SYT16: variants seen among roughly 807,000 people sequenced by gnomAD.
SYT16 encodes the protein synaptotagmin 16.
SYT16 carries 42 observed loss-of-function variants against 61.4 expected under a neutral mutation model. That is an observed-to-expected ratio of 0.68 (90% confidence interval 0.53 to 0.89). SYT16 has a LOEUF of 0.89. Ranked by LOEUF, SYT16 falls within the 40% of genes least tolerant of loss-of-function variation. SYT16 has a pLI of 0.00. For missense variants in SYT16, 804 were observed against 807.3 expected (o/e 1.00, Z 0.05); for synonymous variants, 314 against 302.3 (o/e 1.04, Z -0.40).
At chr14:61,890,496 GAC>G (rs1160845574) in intron 1 of SYT16, among the ~76,000 whole-genome samples, 2 of 90,360 alleles carry the variant, frequency 2.2e-5, no homozygotes, top group African/African-American at 9.0e-5. Context: ...TTTCCTTCAT[GAC>G]AAAAAAAAAA....
chr14:61,902,818 C>T (rs897975034), intron 1 of SYT16, among the ~76,000 whole-genome samples: 4 of 152,162 alleles, frequency 2.6e-5, no homozygotes, highest in African/African-American at 9.7e-5. Context: ...GAATGAGAGC[C>T]AAGTGCAATT....
At position 62,100,644 on chromosome 14, in the gene SYT16, G is replaced by A. The variant is rs763193398; in HGVS notation, c.1875G>A (p.Trp625Ter). The A allele has an allele frequency of 6.2e-7, 1 of 1,613,864 alleles. No homozygotes were observed. The highest frequency in any genetic ancestry group is 8.5e-7 in the Non-Finnish European group (1 of 1,179,834). Residue 625 changes from tryptophan (W) to a stop codon, truncating the protein, a stop_gained, in exon 8 of 8, where the codon TGG becomes TGA. Coordinates refer to ENST00000683842, the MANE Select transcript of SYT16 (RefSeq NM_001367656.1). LOFTEE classifies it high-confidence loss of function. ...GTGGAGAGGAGGAACAAGATCACTG[G>A]GAGGAGATGAAGGAAACCAAAGGCC... ...NSSGEEEQDH[W>*]EEMKETKGQQ...
chr14:61,978,145 T>C (rs1483499236), intron 2 of SYT16, among the ~76,000 whole-genome samples: 1 of 152,198 alleles, frequency 6.6e-6, no homozygotes, highest in Non-Finnish European at 1.5e-5. Flanking sequence ...TGAAAGACCC[T>C]TTTTTCAAAT....
chr14:61,922,286 T>A (rs1416977725), intron 1 of SYT16, among the ~76,000 whole-genome samples: 2 of 152,172 alleles, frequency 1.3e-5, no homozygotes, highest in Non-Finnish European at 2.9e-5. Context: ...TCAACCTAAA[T>A]GCCCATCAAT....
At chr14:61,914,790 A>C (rs1030942444) in intron 1 of SYT16, among the ~76,000 whole-genome samples, 3 of 152,120 alleles carry the variant, frequency 2.0e-5, no homozygotes, top group Non-Finnish European at 2.9e-5. Flanking sequence ...CTTCTAAGTA[A>C]TTTCCCTTCT....
At chr14:62,020,842 G>A (rs1221957304) in intron 3 of SYT16, among the ~76,000 whole-genome samples, 1 of 152,170 alleles carries the variant, frequency 6.6e-6, no homozygotes, top group Non-Finnish European at 1.5e-5. Flanking sequence ...GTGACCATGG[G>A]CATGATCCAT....
Position 62,030,776 on chromosome 14 carries a change from A to C in SYT16, c.523+34234A>C, listed in dbSNP as rs2054282938. 3.3e-5 allele frequency among the ~76,000 whole-genome samples: 5 copies of C among 152,230 alleles called. No individual in the cohort carries two copies. In the South Asian group the frequency reaches 1.0e-3, roughly 31 times the overall value. On this transcript the variant is annotated intron_variant, in intron 3 of 7. Coordinates refer to ENST00000683842, the MANE Select transcript of SYT16 (RefSeq NM_001367656.1). ...TTCAAGCATTGATGAAACAAAATGG[A>C]TTTTCAGACAGTGGCCTTTTGTATT... is the stretch of plus-strand genomic sequence containing the variant.
intron 3 of SYT16, among the ~76,000 whole-genome samples, chr14:62,023,509 C>T (rs2053989040): frequency 6.6e-6 from 1 of 152,130 alleles, no homozygotes; most frequent in Non-Finnish European, 1.5e-5. Context: ...CTTACCTACT[C>T]CCAGGAATTT....
chr14:61,935,141 G>A (rs1480562780), intron 1 of SYT16, among the ~76,000 whole-genome samples: 2 of 152,012 alleles, frequency 1.3e-5, no homozygotes, highest in Non-Finnish European at 2.9e-5. Flanking sequence ...CTTGGGGGCG[G>A]CACTACTTTC....
At chr14:62,069,454 G>A in intron 3 of SYT16, 149 bp from the exon 4 acceptor site, 1 of 717,152 alleles carries the variant, frequency 1.4e-6, no homozygotes. Flanking sequence ...TGTTGCAAAA[G>A]TGCTTTAAAT....
At chr14:61,885,739 G>C (rs376821814) in intron 1 of SYT16, among the ~76,000 whole-genome samples, 1 of 152,134 alleles carries the variant, frequency 6.6e-6, no homozygotes, top group Non-Finnish European at 1.5e-5. Flanking sequence ...TTCTCAGTGC[G>C]TATAAAAGTT....
In SYT16 at chr14:62,018,309, T is replaced by C. The variant is rs1454922456; in HGVS notation, c.523+21767T>C. Among the ~76,000 whole-genome samples, 646 of 131,578 alleles carry C rather than the reference T, an allele frequency of 4.9e-3. 4 individuals carry two copies. The highest frequency in any genetic ancestry group is 0.016 in the East Asian group (75 of 4,676). 86.3% of individuals were successfully genotyped at this position (131,578 alleles called of 152,430 possible). ...TTCTTCTTCTTCTTCTTTTTTTTTT[T>C]TTTTTTTTTTTTTTTTTGAGACTGT... On this transcript the variant is annotated intron_variant, in intron 3 of 7. Transcript: ENST00000683842.
chr14:61,893,952 C>T (rs2048229717), intron 1 of SYT16, among the ~76,000 whole-genome samples: 1 of 152,174 alleles, frequency 6.6e-6, no homozygotes, highest in African/African-American at 2.4e-5. Flanking sequence ...ACCTGGCAGT[C>T]TAAGGAGAAG....
chr14:61,919,020 T>A (rs1291396630), intron 1 of SYT16, among the ~76,000 whole-genome samples: 1 of 152,216 alleles, frequency 6.6e-6, no homozygotes, highest in Non-Finnish European at 1.5e-5. Flanking sequence ...GGTGCAGTCT[T>A]AAAAGTTCCT....
intron 3 of SYT16, among the ~76,000 whole-genome samples, chr14:62,052,820 C>T (rs1329456875): frequency 6.6e-6 from 1 of 152,184 alleles, no homozygotes; most frequent in Non-Finnish European, 1.5e-5. Context: ...TAGAAGAGGG[C>T]CCTCACCAGA....
At position 61,873,275 on chromosome 14, in the gene SYT16, C is replaced by T. The variant is rs563844277; in HGVS notation, c.-325+60465C>T. Among the ~76,000 whole-genome samples, 7 of 152,280 alleles carry T rather than the reference C, an allele frequency of 4.6e-5. No homozygotes were observed. In the East Asian group the frequency reaches 1.2e-3, roughly 25 times the overall value. ...TTCCCCGAAAGAGTTATAGGCTTTTCCCATTATCTGAAGAGAAACCACCAT... is the reference window on the plus strand; with the variant it reads ...TTCCCCGAAAGAGTTATAGGCTTTTTCCATTATCTGAAGAGAAACCACCAT... On this transcript the variant is annotated intron_variant, in intron 1 of 7. Coordinates refer to ENST00000683842, the MANE Select transcript of SYT16 (RefSeq NM_001367656.1).
chr14:61,924,765 G>A (rs142408882), intron 1 of SYT16, among the ~76,000 whole-genome samples: 2 of 152,280 alleles, frequency 1.3e-5, no homozygotes, highest in Non-Finnish European at 2.9e-5. Flanking sequence ...TACAAATAGT[G>A]TATGGATTAA....
chr14:61,879,593 T>C (rs2140316316), intron 1 of SYT16, among the ~76,000 whole-genome samples: 1 of 152,314 alleles, frequency 6.6e-6, no homozygotes, highest in Non-Finnish European at 1.5e-5. Flanking sequence ...CGTTTTAAGG[T>C]ACCTGCTCTC....
chr14:62,083,937 G>A (rs557063204), intron 6 of SYT16, among the ~76,000 whole-genome samples: 7 of 152,126 alleles, frequency 4.6e-5, no homozygotes, highest in African/African-American at 7.2e-5. Context: ...TAGTAATAAC[G>A]TCTTTGTCCG....
Sources: gnomAD v4.1 joint callset for allele counts (sites outside exome capture counted in the v4.1 genomes callset) on GRCh38, gnomAD v4.1.1 for gene constraint, MANE v1.5 for transcripts, NCBI Gene and HGNC (gene_info 2026-07-23, HGNC 2026-07-21) for gene names.